The following ANKRD45 variants were observed in gnomAD, a reference collection of about 807,000 sequenced individuals.
ANKRD45 encodes the protein ankyrin repeat domain-containing protein 45.
Under a neutral mutation model 28.1 loss-of-function variants are expected in ANKRD45, and 21 were observed. The ratio of observed to expected loss-of-function variants is 0.75; its 90% CI spans 0.53 to 1.08. The LOEUF (loss-of-function observed/expected upper bound fraction) is 1.08, where lower values mean the gene tolerates loss of function less well. Ranked by LOEUF, ANKRD45 falls within the 50% of genes least tolerant of loss-of-function variation. ANKRD45 has a pLI of 0.00. For synonymous variants in ANKRD45, 86 were observed against 103.9 expected (o/e 0.83, Z 1.05); for missense variants, 261 against 308.7 (o/e 0.85, Z 1.16).
chr1:173,654,994 C>T (rs1328984285), intron 2 of ANKRD45, among the ~76,000 whole-genome samples: 3 of 152,268 alleles, frequency 2.0e-5, no homozygotes, highest in Middle Eastern at 3.4e-3. Context: ...GTTAGCCATT[C>T]GTCTAATCTT....
the ANKRD45 span, among the ~76,000 whole-genome samples, chr1:173,699,102 C>A: frequency 6.6e-6 from 1 of 152,122 alleles, no homozygotes; most frequent in Non-Finnish European, 1.5e-5. Context: ...GACACATACA[C>A]CCTCCCTACA....
At chr1:173,612,318 A>AGG (rs1387669663) in intron 5 of ANKRD45, among the ~76,000 whole-genome samples, 80 of 117,120 alleles carry the variant, frequency 6.8e-4, no homozygotes, top group Admixed American at 5.1e-3. Context: ...GAAGGAAGGA[A>AGG]AGAAGGAAGG....
chr1:173,643,591 A>G (rs1668797383), intron 3 of ANKRD45, among the ~76,000 whole-genome samples: 1 of 152,182 alleles, frequency 6.6e-6, no homozygotes, highest in Non-Finnish European at 1.5e-5. Flanking sequence ...CATTTTCAGT[A>G]TAATAAATGA....
rs964171734 is a variant in ANKRD45 at position 173,609,996 on chromosome 1, T to C, written c.*149A>G. 8 of 779,308 alleles carry C rather than the reference T, an allele frequency of 1.0e-5. No homozygotes were observed. In the African/African-American group the frequency reaches 1.4e-4, roughly 14 times the overall value. The allele number at this position is 779,308 out of a possible 1,614,324, so 48.3% of individuals were successfully genotyped here. ...CGAGGCCAGAGTCCGGACATAAGCA[T>C]GCTGAACAGGTCAAACAAAACAAGG... On this transcript the variant is annotated 3_prime_UTR_variant, in exon 6 of 6. Coordinates refer to ENST00000333279, the MANE Select transcript of ANKRD45 (RefSeq NM_198493.3).
At chr1:173,687,948 T>TA in the ANKRD45 span, among the ~76,000 whole-genome samples, 1 of 151,956 alleles carries the variant, frequency 6.6e-6, no homozygotes, top group Non-Finnish European at 1.5e-5. Context: ...CTAGGAAACC[T>TA]GCTGGGTTAA....
At chr1:173,617,292 C>T (rs12067795) in intron 5 of ANKRD45, among the ~76,000 whole-genome samples, 8,379 of 152,234 alleles carry the variant, frequency 0.055, 758 homozygotes, top group African/African-American at 0.19. Flanking sequence ...CCCACTTCCA[C>T]GGCACTTCAC....
At chr1:173,662,907 A>T (rs1362900788) in intron 1 of ANKRD45, among the ~76,000 whole-genome samples, 3 of 152,150 alleles carry the variant, frequency 2.0e-5, no homozygotes, top group African/African-American at 7.2e-5. Context: ...ATGGGAGTTG[A>T]GTTACCCAAT....
chr1:173,696,199 C>T, the ANKRD45 span, among the ~76,000 whole-genome samples: 1 of 152,164 alleles, frequency 6.6e-6, no homozygotes. Flanking sequence ...CTCTTTTGTA[C>T]TCTTTCCCTG....
intron 1 of ANKRD45, among the ~76,000 whole-genome samples, chr1:173,660,595 T>C (rs1303702739): frequency 6.6e-6 from 1 of 152,200 alleles, no homozygotes; most frequent in Non-Finnish European, 1.5e-5. Context: ...GTAAATTCTG[T>C]AATTCAGTTA....
chr1:173,689,632 T>A, the ANKRD45 span, among the ~76,000 whole-genome samples: 1 of 152,208 alleles, frequency 6.6e-6, no homozygotes, highest in Non-Finnish European at 1.5e-5. Context: ...TCCCTCAGTC[T>A]GTCTAGGAAT....
chr1:173,665,693 C>T (rs1306903158), intron 1 of ANKRD45, among the ~76,000 whole-genome samples: 3 of 151,956 alleles, frequency 2.0e-5, no homozygotes, highest in Non-Finnish European at 4.4e-5. Flanking sequence ...TGAGTTATAT[C>T]TAAATTAATA....
chr1:173,610,807 A>G (rs1667111814), intron 5 of ANKRD45, among the ~76,000 whole-genome samples: 1 of 152,178 alleles, frequency 6.6e-6, no homozygotes, highest in Non-Finnish European at 1.5e-5. Context: ...AAAAATTGTA[A>G]TTGAAAAACA....
At chr1:173,690,937 T>G in the ANKRD45 span, among the ~76,000 whole-genome samples, 1 of 152,140 alleles carries the variant, frequency 6.6e-6, no homozygotes, top group African/African-American at 2.4e-5. Context: ...CACTGGAAAT[T>G]TCTTGCCTTT....
intron 5 of ANKRD45, among the ~76,000 whole-genome samples, chr1:173,611,621 A>ACACACT (rs35863665): frequency 9.0e-6 from 1 of 110,592 alleles, no homozygotes; most frequent in Non-Finnish European, 2.3e-5. Context: ...ACACACACAC[A>ACACACT]ATAAAAATAT....
chr1:173,650,349 C>T (rs1463689378), intron 2 of ANKRD45, among the ~76,000 whole-genome samples: 3 of 150,570 alleles, frequency 2.0e-5, no homozygotes, highest in Admixed American at 6.6e-5. Context: ...AGTGAGAACA[C>T]GGTTTGGTTA....
At chr1:173,697,453 T>A in the ANKRD45 span, among the ~76,000 whole-genome samples, 1 of 152,206 alleles carries the variant, frequency 6.6e-6, no homozygotes, top group Non-Finnish European at 1.5e-5. Flanking sequence ...CCCATCAGGC[T>A]AACAGCGGCT....
intron 2 of ANKRD45, among the ~76,000 whole-genome samples, chr1:173,652,360 T>G (rs1669270937): frequency 6.6e-6 from 1 of 152,000 alleles, no homozygotes; most frequent in Non-Finnish European, 1.5e-5. Flanking sequence ...TAATCATGTG[T>G]TTTTTTGTCA....
chr1:173,630,981 T>G (rs1668174425), intron 3 of ANKRD45, among the ~76,000 whole-genome samples: 1 of 151,806 alleles, frequency 6.6e-6, no homozygotes, highest in Non-Finnish European at 1.5e-5. Flanking sequence ...TTATCAATAA[T>G]AACACTGAAT....
chr1:173,622,995 G>A (rs1279168590), intron 5 of ANKRD45, among the ~76,000 whole-genome samples: 3 of 151,530 alleles, frequency 2.0e-5, no homozygotes, highest in African/African-American at 7.3e-5. Flanking sequence ...CAAAAGACAC[G>A]AACAGACACT....
Sources: allele counts gnomAD v4.1 joint callset (sites outside exome capture counted in the v4.1 genomes callset), GRCh38; gene constraint gnomAD v4.1.1; transcripts MANE v1.5; gene names NCBI Gene and HGNC (gene_info 2026-07-23, HGNC 2026-07-21).